PRKACB: variants seen among roughly 807,000 people sequenced by gnomAD.
PRKACB encodes protein kinase cAMP-activated catalytic subunit beta.
PRKACB carries 16 observed loss-of-function variants against 51.4 expected under a neutral mutation model. That is an observed-to-expected ratio of 0.31 (90% CI 0.21 to 0.47). PRKACB has a LOEUF of 0.47. Among genes scored for constraint, PRKACB ranks in the 20% least tolerant of loss-of-function variants. The probability of loss-of-function intolerance (pLI) is 1.00; values close to 1 mark genes in which losing one functional copy is unlikely to be tolerated. For missense variants in PRKACB, 309 were observed against 464.5 expected, an observed-to-expected ratio of 0.67 and a Z score of 3.08; for synonymous variants, 147 against 154.4, an observed-to-expected ratio of 0.95 and a Z score of 0.35.
At chr1:84,080,502 C>CA (rs985234035) in intron 1 of PRKACB, among the ~76,000 whole-genome samples, 1 of 151,120 alleles carries the variant, frequency 6.6e-6, no homozygotes, top group African/African-American at 2.4e-5. Context: ...GTGAAGTGAC[C>CA]AAAAAAAATA....
At chr1:84,204,658 A>G (rs1428763291) in intron 8 of PRKACB, 2 of 1,095,572 alleles carry the variant, frequency 1.8e-6, no homozygotes, top group Non-Finnish European at 2.4e-6. Flanking sequence ...TTACTAATAC[A>G]AAAACTAAGA....
At chr1:84,208,056 C>A (rs1027622771) in intron 8 of PRKACB, among the ~76,000 whole-genome samples, 1 of 151,928 alleles carries the variant, frequency 6.6e-6, no homozygotes, top group Non-Finnish European at 1.5e-5. Context: ...TTAGTAGGGA[C>A]AGGGTTTCAC....
At chr1:84,090,928 T>A (rs1485125980) in intron 1 of PRKACB, among the ~76,000 whole-genome samples, 2 of 152,174 alleles carry the variant, frequency 1.3e-5, no homozygotes, top group Non-Finnish European at 2.9e-5. Flanking sequence ...TTACTTTGGA[T>A]CCCAACCCCT....
chr1:84,173,347 C>T (rs1263288733), intron 1 of PRKACB: 11 of 1,574,324 alleles, frequency 7.0e-6, no homozygotes, highest in Non-Finnish European at 9.5e-6. Flanking sequence ...TCATCAGATG[C>T]ATCTGGTAGG....
At chr1:84,198,950 T>C (rs1669033858) in intron 7 of PRKACB, among the ~76,000 whole-genome samples, 1 of 147,232 alleles carries the variant, frequency 6.8e-6, no homozygotes, top group South Asian at 2.1e-4. Context: ...TATATATACA[T>C]ATATATTCAT....
intron 8 of PRKACB, among the ~76,000 whole-genome samples, chr1:84,203,951 A>G (rs1364370794): frequency 6.6e-6 from 1 of 151,976 alleles, no homozygotes; most frequent in South Asian, 2.1e-4. Context: ...CTTGGCATCT[A>G]TCAACTTACA....
chr1:84,151,824 C>T (rs1654888568), intron 1 of PRKACB, among the ~76,000 whole-genome samples: 1 of 152,164 alleles, frequency 6.6e-6, no homozygotes. Context: ...GTGACTTTCT[C>T]CACTGAAATT....
chr1:84,080,036 A>G (rs1438713926), intron 1 of PRKACB, among the ~76,000 whole-genome samples: 1 of 152,212 alleles, frequency 6.6e-6, no homozygotes, highest in African/African-American at 2.4e-5. Context: ...TGCAAAAAGT[A>G]TAAAGAATTA....
At chr1:84,117,580 T>C (rs1650734912) in intron 1 of PRKACB, among the ~76,000 whole-genome samples, 1 of 152,198 alleles carries the variant, frequency 6.6e-6, no homozygotes. Flanking sequence ...TTTTCCAGTT[T>C]GTCAGCATTT....
At chr1:84,189,200 A>C (rs1053057518) in intron 5 of PRKACB, among the ~76,000 whole-genome samples, 2 of 151,898 alleles carry the variant, frequency 1.3e-5, no homozygotes, top group Non-Finnish European at 2.9e-5. Flanking sequence ...GAATTTAATC[A>C]GACACAGGAA....
chr1:84,141,048 G>T (rs1338587261), upstream of PRKACB, among the ~76,000 whole-genome samples: 1 of 151,988 alleles, frequency 6.6e-6, no homozygotes, highest in Non-Finnish European at 1.5e-5. Context: ...TTAAATAAAA[G>T]AAACCAATAT....
At chr1:84,211,460 C>T (rs1432229290) in intron 8 of PRKACB, among the ~76,000 whole-genome samples, 3 of 152,048 alleles carry the variant, frequency 2.0e-5, no homozygotes, top group Admixed American at 6.6e-5. Flanking sequence ...GGAAAAATGT[C>T]ATGTTATTTT....
At chr1:84,210,400 A>G (rs906683095) in intron 8 of PRKACB, among the ~76,000 whole-genome samples, 1 of 151,898 alleles carries the variant, frequency 6.6e-6, no homozygotes, top group Non-Finnish European at 1.5e-5. Context: ...ATGATTTTAG[A>G]CTTTCTCTTT....
chr1:84,226,574 T>C (rs1004938310), intron 9 of PRKACB, among the ~76,000 whole-genome samples: 7 of 152,170 alleles, frequency 4.6e-5, no homozygotes, highest in African/African-American at 1.7e-4. Context: ...ATATTATAAT[T>C]GACCATGTTA....
At chr1:84,180,301 G>A (rs1189474520) in intron 2 of PRKACB, among the ~76,000 whole-genome samples, 2 of 149,186 alleles carry the variant, frequency 1.3e-5, no homozygotes, top group East Asian at 3.9e-4. Context: ...TCAAAGTGAA[G>A]TGAAAGTAAC....
intron 1 of PRKACB, among the ~76,000 whole-genome samples, chr1:84,103,531 TGA>T (rs1442853782): frequency 2.0e-5 from 3 of 152,122 alleles, no homozygotes; most frequent in African/African-American, 7.2e-5. Context: ...TGAAGACAGA[TGA>T]GAGAGTGACT....
intron 7 of PRKACB, among the ~76,000 whole-genome samples, chr1:84,201,184 A>T (rs1238956927): frequency 3.3e-5 from 5 of 152,120 alleles, no homozygotes; most frequent in Admixed American, 3.3e-4. Context: ...TTAGTGTATT[A>T]TAGTGCCTAT....
At chr1:84,200,893 A>C (rs1324945568) in intron 7 of PRKACB, among the ~76,000 whole-genome samples, 1 of 152,166 alleles carries the variant, frequency 6.6e-6, no homozygotes, top group African/African-American at 2.4e-5. Flanking sequence ...ACAAGCATGC[A>C]AACATCATTC....
chr1:84,171,702 A>G (rs1244759774), intron 1 of PRKACB, among the ~76,000 whole-genome samples: 1 of 151,644 alleles, frequency 6.6e-6, no homozygotes, highest in Non-Finnish European at 1.5e-5. Flanking sequence ...GAGCAGTAAA[A>G]CAAGAAAAAC....
Sources: allele counts gnomAD v4.1 joint callset (sites outside exome capture counted in the v4.1 genomes callset), GRCh38; gene constraint gnomAD v4.1.1; transcripts MANE v1.5; gene names NCBI Gene and HGNC (gene_info 2026-07-23, HGNC 2026-07-21).